Variants in ELMO2 observed in about 807,000 individuals in gnomAD.
The protein encoded by ELMO2 is engulfment and cell motility protein 2.
A neutral mutation model predicts 96.2 loss-of-function variants in ELMO2; 37 were observed. The observed-to-expected ratio is 0.38, with a 90% CI of 0.30 to 0.51. The LOEUF is 0.51. Among genes scored for constraint, ELMO2 ranks in the 20% least tolerant of loss-of-function variants. The pLI is 0.88. For missense variants in ELMO2, 561 were observed against 912.6 expected (o/e 0.61, Z 4.96); for synonymous variants, 315 against 329.4 (o/e 0.96, Z 0.47).
At chr20:46,382,636 G>A (rs1234622625) in intron 10 of ELMO2, among the ~76,000 whole-genome samples, 1 of 152,196 alleles carries the variant, frequency 6.6e-6, no homozygotes, top group African/African-American at 2.4e-5. Context: ...CAGCAGCAGG[G>A]AGAATACTTA....
Position 46,385,147 on chromosome 20 carries a change from G to T in ELMO2, c.677+977C>A, listed in dbSNP as rs573967604. ...GGAGCTATGACTTCCCCTCGAACTG[G>T]TGGGGGATTCTGGCAACATTCTGAC... On this transcript the variant is annotated intron_variant, in intron 9 of 21. Transcript: ENST00000290246. Among the ~76,000 whole-genome samples, 6 of 152,322 alleles carry T rather than the reference G, an allele frequency of 3.9e-5. No homozygotes were observed. In the East Asian group the frequency reaches 9.7e-4, roughly 25 times the overall value.
chr20:46,393,199 C>A, intron 5 of ELMO2, 56 bp from the exon 6 acceptor site: 1 of 1,534,558 alleles, frequency 6.5e-7, no homozygotes, highest in Middle Eastern at 1.7e-4. Flanking sequence ...TAAAGTGGTA[C>A]AAGCAAGTTG....
At position 46,366,283 on chromosome 20, in the gene ELMO2, G is replaced by T. The variant is rs989824373; in HGVS notation, c.*1077C>A. The T allele has an allele frequency of 6.6e-6, 1 of 152,480 alleles. No individual in the cohort carries two copies. The highest frequency in any genetic ancestry group is 2.4e-5 in the African/African-American group (1 of 41,378). The allele number at this position is 152,480 out of a possible 1,614,324, so 9.4% of individuals were successfully genotyped here. On this transcript the variant is annotated 3_prime_UTR_variant, in exon 22 of 22. Transcript: ENST00000290246. ...AAAATATATAGTACACTCTTCATTGGGTAGTACCTACCATGCCAGGCCACC... is the reference window on the plus strand; with the variant it reads ...AAAATATATAGTACACTCTTCATTGTGTAGTACCTACCATGCCAGGCCACC...
rs551841421 is a variant in ELMO2, at chr20:46,375,868, G to A, written c.808-78C>T. On this transcript the variant is annotated intron_variant, in intron 11 of 21. Transcript: ENST00000290246. This position sits in a 1 kb window ranked among gnomAD's most constrained non-coding sequence, Gnocchi z 4.6. ...AGGGCCACATCCATGCTAAGGAAAAGGAATGTATGTTGGGAAGGGAACAGA... is the reference window on the plus strand; with the variant it reads ...AGGGCCACATCCATGCTAAGGAAAAAGAATGTATGTTGGGAAGGGAACAGA... 13 of 1,576,718 alleles carry A rather than the reference G, an allele frequency of 8.2e-6. No individual in the cohort carries two copies. In the African/African-American group the frequency reaches 1.2e-4, roughly 15 times the overall value.
rs2145780416 is a variant in ELMO2, at chr20:46,375,486, G to A, written c.931-116C>T. ...TTTGGCCCCAATCAATCCCTTAGGA[G>A]GCATCACCTCTACCACAGCAGGACA... is the stretch of plus-strand genomic sequence containing the variant. On this transcript the variant is annotated intron_variant, in intron 12 of 21. Transcript: ENST00000290246. This position sits in a 1 kb window ranked among gnomAD's most constrained non-coding sequence, Gnocchi z 4.6. 1 of 1,494,888 alleles carries A rather than the reference G, an allele frequency of 6.7e-7. No individual in the cohort carries two copies. Among genetic ancestry groups the A allele is most frequent in the Non-Finnish European group, 9.1e-7 (1 of 1,104,306 alleles). The allele number at this position is 1,494,888 out of a possible 1,614,324, so 92.6% of individuals were successfully genotyped here.
At chr20:46,395,976 G>T (rs554492256) in intron 2 of ELMO2, among the ~76,000 whole-genome samples, 2 of 152,352 alleles carry the variant, frequency 1.3e-5, no homozygotes, top group South Asian at 2.1e-4. Context: ...ACAGAACTTG[G>T]ACTGGCTTCG....
In ELMO2 at chr20:46,371,693, TG is replaced by T; in HGVS notation, c.1581-3del. Reference sequence around the variant, plus strand: ...GGCTGGATCTTCTCCCTCAGCTCCCTGGGGTGGACACACACTGGAGTGAGCG... The same window carrying T: ...GGCTGGATCTTCTCCCTCAGCTCCCTGGGTGGACACACACTGGAGTGAGCG... On this transcript the variant is annotated splice_polypyrimidine_tract_variant and splice_region_variant and intron_variant, in intron 17 of 21. Coordinates refer to ENST00000290246, the MANE Select transcript of ELMO2 (RefSeq NM_133171.5). This position sits in a 1 kb window ranked among gnomAD's most constrained non-coding sequence, Gnocchi z 5.9. The T allele has an allele frequency of 6.2e-7, 1 of 1,613,890 alleles. No homozygotes were observed. The highest frequency in any genetic ancestry group is 8.5e-7 in the Non-Finnish European group (1 of 1,180,008).
In ELMO2 at chr20:46,371,342, A is replaced by G; in HGVS notation, c.1801+10T>C. 1 of 1,613,686 alleles carries G rather than the reference A, an allele frequency of 6.2e-7. No homozygotes were observed. ...GCAACCATGACACATCAACAGAGAA[A>G]TGAACCTACTTTTCTCCTGCAGGGA... On this transcript the variant is annotated intron_variant, in intron 19 of 21. Transcript: ENST00000290246. The surrounding 1 kb of genome is among the most constrained non-coding windows in gnomAD (Gnocchi z 5.9).
intron 6 of ELMO2, among the ~76,000 whole-genome samples, chr20:46,389,936 C>T (rs1188942460): frequency 6.6e-6 from 1 of 152,022 alleles, no homozygotes; most frequent in Non-Finnish European, 1.5e-5. Context: ...GGGCAGATCA[C>T]GAGGTCAGGA....
At chr20:46,402,024 A>C (rs529040839) in intron 1 of ELMO2, among the ~76,000 whole-genome samples, 1 of 152,320 alleles carries the variant, frequency 6.6e-6, no homozygotes, top group African/African-American at 2.4e-5. Flanking sequence ...ATCTGCCTTC[A>C]AACAAGATCC....
At chr20:46,381,230 T>C (rs2059949468) in intron 10 of ELMO2, among the ~76,000 whole-genome samples, 2 of 152,222 alleles carry the variant, frequency 1.3e-5, no homozygotes, top group South Asian at 4.1e-4. Flanking sequence ...CTTTAATTTT[T>C]CTGACAGCTT....
Position 46,374,321 on chromosome 20 carries a change from CAG to C in ELMO2, c.1279+9_1279+10del. On this transcript the variant is annotated intron_variant, in intron 15 of 21. Transcript: ENST00000290246. The stretch of plus-strand genomic sequence containing the variant: ...GGAATGGCTGAAGAAGAGGGAGCTG[CAG>C]AGACTTACGTAGTTCCCCAACCTGC... 1 of 1,608,086 alleles carries C rather than the reference CAG, an allele frequency of 6.2e-7. No individual in the cohort carries two copies. Among genetic ancestry groups the C allele is most frequent in the Non-Finnish European group, 8.5e-7 (1 of 1,174,710 alleles).
chr20:46,370,377 AACC>A lies in ELMO2; in HGVS notation c.1884+63_1884+65del, dbSNP rs2059678228. 8 of 1,462,280 alleles carry A rather than the reference AACC, an allele frequency of 5.5e-6. No homozygotes were observed. The East Asian group carries it at 1.8e-4, about 33-fold the overall frequency. The allele number at this position is 1,462,280 out of a possible 1,614,324, so 90.6% of individuals were successfully genotyped here. On this transcript the variant is annotated intron_variant, in intron 20 of 21. Coordinates refer to ENST00000290246, the MANE Select transcript of ELMO2 (RefSeq NM_133171.5). Reference sequence around the variant, plus strand: ...AGATGCCAAGAATGCACCTGGAAAAAACCACCACCAATGGCACTCTCCAAGTAT... The same window carrying A: ...AGATGCCAAGAATGCACCTGGAAAAAACCACCAATGGCACTCTCCAAGTAT...
intron 11 of ELMO2, chr20:46,376,972 C>G (rs2059871912): frequency 7.5e-6 from 3 of 400,186 alleles, no homozygotes; most frequent in East Asian, 1.5e-4. Context: ...TACAGCAATG[C>G]AGATACGGAA....
At chr20:46,403,988 G>A (rs1050584245) in intron 1 of ELMO2, among the ~76,000 whole-genome samples, 1 of 152,166 alleles carries the variant, frequency 6.6e-6, no homozygotes, top group African/African-American at 2.4e-5. Flanking sequence ...GGAGGCTGAG[G>A]CACAAGAATC....
intron 8 of ELMO2, 30 bp from the exon 9 acceptor site, chr20:46,386,305 A>C: frequency 6.2e-7 from 1 of 1,611,674 alleles, no homozygotes; most frequent in South Asian, 1.1e-5. Context: ...ATCAATTGAG[A>C]AGCTCAGGGC....
At chr20:46,399,206 G>A (rs750217509) in intron 1 of ELMO2, among the ~76,000 whole-genome samples, 8 of 152,186 alleles carry the variant, frequency 5.3e-5, no homozygotes, top group Non-Finnish European at 1.2e-4. Flanking sequence ...TTTCTGGTTT[G>A]TGTATCTGAA....
At chr20:46,376,913 G>C in intron 11 of ELMO2, 1 of 949,126 alleles carries the variant, frequency 1.1e-6, no homozygotes, top group South Asian at 1.6e-5. Context: ...TGGTTCCTTA[G>C]TTGCACCAGC....
At chr20:46,377,783 C>T (rs957017714) in intron 11 of ELMO2, among the ~76,000 whole-genome samples, 1 of 152,220 alleles carries the variant, frequency 6.6e-6, no homozygotes, top group African/African-American at 2.4e-5. Flanking sequence ...CTCTTCTTAG[C>T]TCAGTCTCAC....
Sources: allele counts gnomAD v4.1 joint callset (sites outside exome capture counted in the v4.1 genomes callset), GRCh38; gene constraint gnomAD v4.1.1; non-coding constraint Gnocchi (gnomAD v3.1); transcripts MANE v1.5; gene names NCBI Gene and HGNC (gene_info 2026-07-23, HGNC 2026-07-21).